The following GPD2 variants were observed in gnomAD, a reference collection of about 807,000 sequenced individuals.
The protein encoded by GPD2 is glycerol-3-phosphate dehydrogenase, mitochondrial.
In GPD2, 54 loss-of-function variants were observed where a neutral mutation model predicts 82.4. The observed-to-expected ratio is 0.66, with a 90% CI of 0.53 to 0.82. The LOEUF (loss-of-function observed/expected upper bound fraction) is 0.82, where lower values mean the gene tolerates loss of function less well. GPD2 is among the 40% of genes least tolerant of loss of function. The pLI is 0.00. For missense variants in GPD2, 748 were observed against 896.2 expected, an observed-to-expected ratio of 0.83 and a Z score of 2.11; for synonymous variants, 288 against 306.1, an observed-to-expected ratio of 0.94 and a Z score of 0.62.
Position 156,568,824 on chromosome 2 carries a change from G to A in GPD2, c.1166-1G>A. 6.2e-7 allele frequency: 1 copy of A among 1,612,306 alleles called. No homozygotes were observed. The highest frequency in any genetic ancestry group is 8.5e-7 in the Non-Finnish European group (1 of 1,178,630). ...TAACCCTTGGCATTGATTCCTACCA[G>A]TGAGAAGAGGGGATGTCCTGGCAGC... is the stretch of plus-strand genomic sequence containing the variant. On this transcript the variant is annotated splice_acceptor_variant, in intron 9 of 16. Coordinates refer to ENST00000438166, the MANE Select transcript of GPD2 (RefSeq NM_000408.5). LOFTEE classifies it high-confidence loss of function.
chr2:156,543,195 A>G (rs1478041336), intron 6 of GPD2, among the ~76,000 whole-genome samples: 1 of 152,154 alleles, frequency 6.6e-6, no homozygotes, highest in Non-Finnish European at 1.5e-5. Context: ...AGGTAGAGAG[A>G]TAATAGTCCC....
At chr2:156,564,771 C>T (rs1470013327) in intron 9 of GPD2, among the ~76,000 whole-genome samples, 1 of 152,082 alleles carries the variant, frequency 6.6e-6, no homozygotes, top group South Asian at 2.1e-4. Context: ...TTTGATCATC[C>T]TTAAATGTAT....
At chr2:156,521,541 A>G (rs1215683915) in intron 6 of GPD2, among the ~76,000 whole-genome samples, 5 of 152,210 alleles carry the variant, frequency 3.3e-5, no homozygotes, top group South Asian at 2.1e-4. Context: ...TGGATACTCT[A>G]TAGTCCACCA....
chr2:156,421,254 T>C, the GPD2 span, among the ~76,000 whole-genome samples: 1 of 152,242 alleles, frequency 6.6e-6, no homozygotes. Context: ...GCAGATCCTC[T>C]GTCCCCAAAC....
chr2:156,455,666 C>T (rs1330384737), intron 1 of GPD2, among the ~76,000 whole-genome samples: 1 of 152,190 alleles, frequency 6.6e-6, no homozygotes, highest in Admixed American at 6.5e-5. Context: ...TACATATTGC[C>T]TTCCCTAGAA....
chr2:156,572,807 A>G (rs1292101217), intron 13 of GPD2, among the ~76,000 whole-genome samples: 5 of 152,188 alleles, frequency 3.3e-5, no homozygotes, highest in Non-Finnish European at 7.4e-5. Flanking sequence ...GTAAGACAGT[A>G]TATCTTAGTT....
At chr2:156,411,775 G>A in the GPD2 span, among the ~76,000 whole-genome samples, 2 of 152,074 alleles carry the variant, frequency 1.3e-5, no homozygotes, top group South Asian at 4.1e-4. Context: ...GAAGGGTAAG[G>A]AATTCCAAAA....
chr2:156,485,090 G>T (rs978801473), intron 2 of GPD2, among the ~76,000 whole-genome samples: 1 of 152,154 alleles, frequency 6.6e-6, no homozygotes, highest in African/African-American at 2.4e-5. Flanking sequence ...GCAATGTCAG[G>T]ACTTCCTTCT....
intron 6 of GPD2, among the ~76,000 whole-genome samples, chr2:156,540,895 G>C (rs1279783158): frequency 6.6e-6 from 1 of 152,238 alleles, no homozygotes; most frequent in African/African-American, 2.4e-5. Flanking sequence ...TTCAGGGTAA[G>C]TTTGCCAGAT....
chr2:156,487,318 A>C (rs542146455), intron 2 of GPD2, among the ~76,000 whole-genome samples: 5 of 146,852 alleles, frequency 3.4e-5, no homozygotes, highest in African/African-American at 5.0e-5. Context: ...TCTCAAATTT[A>C]AAAAAAAAAA....
intron 13 of GPD2, among the ~76,000 whole-genome samples, chr2:156,575,155 A>T (rs1309593283): frequency 4.6e-5 from 7 of 152,178 alleles, no homozygotes; most frequent in African/African-American, 1.7e-4. Flanking sequence ...TACTGTAGCA[A>T]ATAGGAATGG....
Position 156,552,961 on chromosome 2 carries a change from G to A in GPD2, c.971+2215G>A, listed in dbSNP as rs187213699. On this transcript the variant is annotated intron_variant, in intron 8 of 16. Transcript: ENST00000438166. ...GTCACCTAGGCTGGAGTGCAGTGGT[G>A]CCATCTTGGCCCACTGCAACCTCCA... Among the ~76,000 whole-genome samples the A allele has an allele frequency of 2.6e-4, 37 of 144,676 alleles. 1 individual carries two copies. The East Asian group carries it at 6.1e-3, about 24-fold the overall frequency. 94.9% of individuals were successfully genotyped at this position (144,676 alleles called of 152,430 possible).
chr2:156,535,306 A>T (rs1274414508), intron 6 of GPD2, among the ~76,000 whole-genome samples: 2 of 149,302 alleles, frequency 1.3e-5, no homozygotes, highest in East Asian at 3.9e-4. Context: ...AGAGAAAGAA[A>T]GAGAAAAAGA....
intron 1 of GPD2, among the ~76,000 whole-genome samples, chr2:156,448,506 G>T (rs948649405): frequency 1.2e-4 from 18 of 152,290 alleles, no homozygotes; most frequent in African/African-American, 4.3e-4. Context: ...GGGGAACAAA[G>T]AAATAATAAT....
At chr2:156,454,143 C>G (rs1415471697) in intron 1 of GPD2, among the ~76,000 whole-genome samples, 2 of 152,140 alleles carry the variant, frequency 1.3e-5, no homozygotes, top group Non-Finnish European at 2.9e-5. Context: ...GGGTTATGAA[C>G]AGAGTCGTTA....
intron 9 of GPD2, among the ~76,000 whole-genome samples, chr2:156,567,027 T>G (rs1030149015): frequency 5.3e-5 from 8 of 152,082 alleles, no homozygotes; most frequent in African/African-American, 1.7e-4. Context: ...TGGAGAAATA[T>G]TTATTGAAGT....
At chr2:156,582,132 T>C (rs754921723) in intron 16 of GPD2, among the ~76,000 whole-genome samples, 24 of 152,024 alleles carry the variant, frequency 1.6e-4, no homozygotes, top group Non-Finnish European at 3.1e-4. Context: ...AAAATCCCTA[T>C]GCTCATAATT....
At chr2:156,462,720 T>C (rs1683033057) in intron 1 of GPD2, among the ~76,000 whole-genome samples, 1 of 151,878 alleles carries the variant, frequency 6.6e-6, no homozygotes, top group Non-Finnish European at 1.5e-5. Context: ...AAGAAGGGGG[T>C]AAAAAGATCC....
chr2:156,480,245 C>T (rs1243848602), intron 2 of GPD2, among the ~76,000 whole-genome samples: 2 of 151,882 alleles, frequency 1.3e-5, no homozygotes, highest in Non-Finnish European at 2.9e-5. Flanking sequence ...ACAAGTAAAC[C>T]TTTTTGAGCA....
Sources: gnomAD v4.1 joint callset for allele counts (sites outside exome capture counted in the v4.1 genomes callset) on GRCh38, gnomAD v4.1.1 for gene constraint, MANE v1.5 for transcripts, NCBI Gene and HGNC (gene_info 2026-07-23, HGNC 2026-07-21) for gene names.